Variants in SCARA3 observed in about 807,000 individuals in gnomAD.
SCARA3 encodes scavenger receptor class A member 3.
Under a neutral mutation model 47.0 loss-of-function variants are expected in SCARA3, and 39 were observed. The ratio of observed to expected loss-of-function variants is 0.83; its 90% CI spans 0.64 to 1.08. SCARA3 has a LOEUF of 1.08. Among genes scored for constraint, SCARA3 ranks in the 50% least tolerant of loss-of-function variants. The probability of loss-of-function intolerance (pLI) is 0.00; values close to 1 mark genes in which losing one functional copy is unlikely to be tolerated. For missense variants in SCARA3, 724 were observed against 792.3 expected, an observed-to-expected ratio of 0.91 and a Z score of 1.04; for synonymous variants, 356 against 334.1, an observed-to-expected ratio of 1.07 and a Z score of -0.71.
chr8:27,650,496 GAGC>G (rs1426427486), intron 2 of SCARA3, among the ~76,000 whole-genome samples: 1 of 152,208 alleles, frequency 6.6e-6, no homozygotes, highest in African/African-American at 2.4e-5. Context: ...GTGTAGAGTA[GAGC>G]AGTTGTTCTC....
In SCARA3 at chr8:27,649,712, C is replaced by G. The variant is rs142909298; in HGVS notation, c.18C>G (p.Ala6=). Residue 6 remains alanine, a synonymous_variant, in exon 2 of 6, where the codon GCC becomes GCG. Transcript: ENST00000301904. MKVRS[A]GGDGDALCVT... is the part of the protein sequence containing the mutation. ...CTGGCTTCATTATAGTGAGGTCGGC[C>G]GGCGGCGATGGAGATGCCTTGTGCG... 1 of 1,614,040 alleles carries G rather than the reference C, an allele frequency of 6.2e-7. No homozygotes were observed. The highest frequency in any genetic ancestry group is 8.5e-7 in the Non-Finnish European group (1 of 1,180,008).
chr8:27,642,910 G>A (rs12542107), intron 1 of SCARA3, among the ~76,000 whole-genome samples: 50,299 of 151,942 alleles, frequency 0.33, 10,511 homozygotes, highest in Non-Finnish European at 0.46. Context: ...CAGGGGAGTC[G>A]GGGGGGTTGG....
At chr8:27,669,712 G>T (rs966503560) in intron 5 of SCARA3, among the ~76,000 whole-genome samples, 7 of 152,232 alleles carry the variant, frequency 4.6e-5, no homozygotes, top group Non-Finnish European at 1.0e-4. Context: ...GGTTTTTATT[G>T]GCTCTGGTGG....
the SCARA3 span, among the ~76,000 whole-genome samples, chr8:27,686,229 C>T: frequency 6.6e-6 from 1 of 151,958 alleles, no homozygotes; most frequent in Non-Finnish European, 1.5e-5. Context: ...TTCCTTGACC[C>T]CAGGAGTTAG....
rs1412806732 is a variant in SCARA3, at chr8:27,671,718, A to G, written c.*367A>G. ...CACAGGCACACATGCATGCACACAT[A>G]CACATGCACACACACATGCACACAT... On this transcript the variant is annotated 3_prime_UTR_variant, in exon 6 of 6. Coordinates refer to ENST00000301904, the MANE Select transcript of SCARA3 (RefSeq NM_016240.3). 3.2e-5 allele frequency: 34 copies of G among 1,047,412 alleles called. No individual in the cohort carries two copies. The South Asian group carries it at 1.2e-3, about 36-fold the overall frequency. 64.9% of individuals were successfully genotyped at this position (1,047,412 alleles called of 1,614,324 possible).
chr8:27,677,278 A>G (rs1802292741), downstream of SCARA3, among the ~76,000 whole-genome samples: 1 of 152,184 alleles, frequency 6.6e-6, no homozygotes, highest in Non-Finnish European at 1.5e-5. Context: ...CCATAGTCTT[A>G]TGGGAAGAAG....
chr8:27,683,943 C>A, the SCARA3 span, among the ~76,000 whole-genome samples: 8,171 of 152,050 alleles, frequency 0.054, 552 homozygotes, highest in East Asian at 0.33. Flanking sequence ...AAGCTAGACA[C>A]AAAGAGAATC....
intron 1 of SCARA3, among the ~76,000 whole-genome samples, chr8:27,640,173 G>A (rs4732735): frequency 1.3e-5 from 2 of 152,060 alleles, no homozygotes; most frequent in Non-Finnish European, 2.9e-5. Context: ...TCTGCATTAC[G>A]AGCAGCTGCA....
intron 3 of SCARA3, among the ~76,000 whole-genome samples, chr8:27,652,749 A>C (rs1017593408): frequency 2.0e-5 from 3 of 152,208 alleles, no homozygotes; most frequent in Non-Finnish European, 4.4e-5. Flanking sequence ...TGTCAATTAC[A>C]TTTCACCATC....
At chr8:27,673,137 C>A, downstream of SCARA3, 1 of 342,730 alleles carries the variant, frequency 2.9e-6, no homozygotes, top group Non-Finnish European at 4.1e-6. Flanking sequence ...TTCAATCTCA[C>A]TGGAGTTGGG....
In SCARA3 at chr8:27,658,641, G is replaced by A. The variant is rs372424404; in HGVS notation, c.471G>A (p.Gln157=). The A allele has an allele frequency of 1.4e-5, 22 of 1,614,034 alleles. No homozygotes were observed. Among genetic ancestry groups the A allele is most frequent in the Non-Finnish European group, 1.9e-5 (22 of 1,180,026 alleles). The change falls in exon 5 of 6, where the codon CAG becomes CAA. Residue 157 remains glutamine (Q), a synonymous_variant. Transcript: ENST00000301904. ...AGCTGGACCAGACCTTACAGGCCCA[G>A]GAGGTGCTCTCCACCACCAGCAGAC... The part of the protein sequence containing the change: ...EVQLDQTLQA[Q]EVLSTTSRQI...
the SCARA3 span, among the ~76,000 whole-genome samples, chr8:27,718,140 T>C: frequency 1.3e-5 from 2 of 152,106 alleles, no homozygotes; most frequent in East Asian, 3.9e-4. Context: ...ACCTGGTGAG[T>C]TCTGAGCAAT....
the SCARA3 span, chr8:27,733,331 A>G: frequency 1.8e-4 from 27 of 152,230 alleles, no homozygotes; most frequent in African/African-American, 6.5e-4. Context: ...CTCAAACTAT[A>G]AGCTTTTATT....
chr8:27,696,087 G>C, the SCARA3 span, among the ~76,000 whole-genome samples: 1 of 151,094 alleles, frequency 6.6e-6, no homozygotes, highest in Non-Finnish European at 1.5e-5. Context: ...ATAGCTCACT[G>C]TGGCCTTGAA....
At chr8:27,694,669 A>G in the SCARA3 span, among the ~76,000 whole-genome samples, 341 of 152,262 alleles carry the variant, frequency 2.2e-3, 2 homozygotes, top group African/African-American at 7.9e-3. Flanking sequence ...CTGATCAGCA[A>G]GGAGCTTACC....
the SCARA3 span, among the ~76,000 whole-genome samples, chr8:27,686,941 C>T: frequency 1.9e-3 from 282 of 152,192 alleles, 3 homozygotes; most frequent in African/African-American, 6.3e-3. Context: ...GAGGCTCTCC[C>T]GCTCCCCACC....
chr8:27,677,279 T>C (rs1218515784), downstream of SCARA3, among the ~76,000 whole-genome samples: 13 of 152,142 alleles, frequency 8.5e-5, no homozygotes, highest in African/African-American at 2.7e-4. Flanking sequence ...CATAGTCTTA[T>C]GGGAAGAAGA....
At position 27,670,905 on chromosome 8, in the gene SCARA3, C is replaced by A; in HGVS notation, c.1375C>A (p.Pro459Thr). The A allele has an allele frequency of 6.6e-7, 1 of 1,524,212 alleles. No individual in the cohort carries two copies. Among genetic ancestry groups the A allele is most frequent in the East Asian group, 2.3e-5 (1 of 43,370 alleles). The allele number at this position is 1,524,212 out of a possible 1,614,324, so 94.4% of individuals were successfully genotyped here. Residue 459 changes from proline (P) to threonine (T), a missense_variant, in exon 6 of 6, where the codon CCC becomes ACC. By Grantham distance (38) the Pro-to-Thr change is conservative (BLOSUM62 -1). Transcript: ENST00000301904. Reference sequence around the variant, plus strand: ...CATCTTCTCTCCAACCTCAGGTGCCCCCGGCCCTCCAGGACCAAGAGGATT... The same window carrying A: ...CATCTTCTCTCCAACCTCAGGTGCCACCGGCCCTCCAGGACCAAGAGGATT... ...LRNVTILRGAPGPPGPRGFKG... is the reference protein window; with the variant it reads ...LRNVTILRGATGPPGPRGFKG...
chr8:27,698,797 A>G, the SCARA3 span, among the ~76,000 whole-genome samples: 238 of 152,286 alleles, frequency 1.6e-3, 1 homozygote, highest in African/African-American at 5.2e-3. Context: ...TGAATTTAGT[A>G]AAGGATGGGC....
Sources: allele counts gnomAD v4.1 joint callset (sites outside exome capture counted in the v4.1 genomes callset), GRCh38; gene constraint gnomAD v4.1.1; transcripts MANE v1.5; gene names NCBI Gene and HGNC (gene_info 2026-07-23, HGNC 2026-07-21).